TMEM131: variants seen among roughly 807,000 people sequenced by gnomAD.
The protein encoded by TMEM131 is 2610524E03Rik.
A neutral mutation model predicts 211.6 loss-of-function variants in TMEM131; 66 were observed. The observed-to-expected ratio is 0.31, with a 90% confidence interval of 0.26 to 0.38. TMEM131 has a LOEUF of 0.38. Among genes scored for constraint, TMEM131 ranks in the 10% least tolerant of loss-of-function variants. The pLI is 1.00. For synonymous variants in TMEM131, 844 were observed against 841.3 expected, an observed-to-expected ratio of 1.00 and a Z score of -0.06; for missense variants, 2,036 against 2,299.3, an observed-to-expected ratio of 0.89 and a Z score of 2.34.
At chr2:97,811,613 A>G (rs887313132) in intron 17 of TMEM131, among the ~76,000 whole-genome samples, 1 of 152,244 alleles carries the variant, frequency 6.6e-6, no homozygotes, top group Non-Finnish European at 1.5e-5. Context: ...CTCTGCTTCA[A>G]GCTGTGGATG....
chr2:97,921,263 A>C (rs1676729472), intron 2 of TMEM131, among the ~76,000 whole-genome samples: 1 of 152,192 alleles, frequency 6.6e-6, no homozygotes, highest in Non-Finnish European at 1.5e-5. Flanking sequence ...CTAGGGAAAG[A>C]AAACATTGGG....
intron 1 of TMEM131, among the ~76,000 whole-genome samples, chr2:97,943,101 G>GAAAGAAAGAAAGAAAGAA (rs1553617928): frequency 6.7e-6 from 1 of 149,528 alleles, no homozygotes; most frequent in South Asian, 2.1e-4. Context: ...AAGAAAGAAA[G>GAAAGAAAGAAAGAAAGAA]AGCTGGGTGT....
At chr2:97,802,844 G>A in intron 22 of TMEM131, 54 bp from the exon 23 acceptor site, 1 of 1,425,000 alleles carries the variant, frequency 7.0e-7, no homozygotes, top group Non-Finnish European at 9.4e-7. Context: ...TGAGTCTTCT[G>A]AACATAAGAA....
chr2:97,842,263 G>A (rs930867284), intron 6 of TMEM131, among the ~76,000 whole-genome samples: 4 of 152,082 alleles, frequency 2.6e-5, no homozygotes, highest in Non-Finnish European at 4.4e-5. Flanking sequence ...ATGGATCTAC[G>A]GCCCAGACAA....
At chr2:97,983,015 G>A (rs1006737242) in intron 1 of TMEM131, among the ~76,000 whole-genome samples, 4 of 152,100 alleles carry the variant, frequency 2.6e-5, no homozygotes, top group African/African-American at 9.7e-5. Flanking sequence ...CAATTAAGCA[G>A]CCAACCAATC....
chr2:97,893,438 C>G (rs1675469598), intron 3 of TMEM131, among the ~76,000 whole-genome samples: 1 of 152,158 alleles, frequency 6.6e-6, no homozygotes, highest in African/African-American at 2.4e-5. Flanking sequence ...AATGGTATCT[C>G]TAGTTCTAGG....
chr2:97,969,313 G>A lies in TMEM131; in HGVS notation c.187+26163C>T, dbSNP rs566848100. Among the ~76,000 whole-genome samples, 64 of 152,238 alleles carry A rather than the reference G, an allele frequency of 4.2e-4. 1 individual carries two copies. In the East Asian group the frequency reaches 9.7e-3, roughly 23 times the overall value. Reference sequence around the variant, plus strand: ...GGGTAAGGGTGTGTGTGCTTAGACAGACAATTGTTGCTTTAATCACCAGTT... The same window carrying A: ...GGGTAAGGGTGTGTGTGCTTAGACAAACAATTGTTGCTTTAATCACCAGTT... On this transcript the variant is annotated intron_variant, in intron 1 of 40. Transcript: ENST00000186436.
At chr2:97,989,983 G>A (rs1287224645) in intron 1 of TMEM131, among the ~76,000 whole-genome samples, 1 of 152,198 alleles carries the variant, frequency 6.6e-6, no homozygotes, top group Non-Finnish European at 1.5e-5. Flanking sequence ...TGCCTGCCGA[G>A]GCAAATGCCA....
At chr2:97,863,491 T>C (rs1264319861) in intron 4 of TMEM131, among the ~76,000 whole-genome samples, 1 of 152,182 alleles carries the variant, frequency 6.6e-6, no homozygotes, top group Admixed American at 6.5e-5. Context: ...ATTTGCAAAC[T>C]ACCTATTTGA....
At position 97,812,438 on chromosome 2, in the gene TMEM131, A is replaced by C. The variant is rs1681591506; in HGVS notation, c.1846T>G (p.Leu616Val). 1 of 1,608,646 alleles carries C rather than the reference A, an allele frequency of 6.2e-7. No homozygotes were observed. Among genetic ancestry groups the C allele is most frequent in the East Asian group, 2.2e-5 (1 of 44,770 alleles). ...TTACTTACCGATGATTGATCTGATA[A>C]AGAGGATTTTTCAAACTCTGGCAGG... ...SSLPEFEKSSLSDQSSVTLAS... is the reference protein window; with the variant it reads ...SSLPEFEKSSVSDQSSVTLAS... Residue 616 changes from leucine (L) to valine (V), a missense_variant, in exon 17 of 41, where the codon TTA becomes GTA. By Grantham distance (32) the Leu-to-Val change is conservative. Around this residue, in one of 3 missense-constraint regions of TMEM131, gnomAD observed 1,623 missense variants for 1,805.9 expected, o/e 0.90. Coordinates refer to ENST00000186436, the MANE Select transcript of TMEM131 (RefSeq NM_015348.2).
intron 1 of TMEM131, among the ~76,000 whole-genome samples, chr2:97,965,003 G>A (rs1678987427): frequency 6.6e-6 from 1 of 152,182 alleles, no homozygotes. Flanking sequence ...GGCGGCCTCT[G>A]AGGAGAAAAG....
intron 2 of TMEM131, among the ~76,000 whole-genome samples, chr2:97,925,600 C>T (rs935688344): frequency 5.3e-5 from 8 of 152,060 alleles, no homozygotes; most frequent in South Asian, 2.1e-4. Context: ...TGCATCGTGC[C>T]GTGGAGAGTT....
chr2:97,925,952 T>C (rs1369707699), intron 2 of TMEM131, among the ~76,000 whole-genome samples: 1 of 151,250 alleles, frequency 6.6e-6, no homozygotes, highest in Non-Finnish European at 1.5e-5. Flanking sequence ...GTACTAAAAA[T>C]ACAAAAAAAA....
At chr2:97,949,409 C>T (rs751517481) in intron 1 of TMEM131, among the ~76,000 whole-genome samples, 5 of 152,160 alleles carry the variant, frequency 3.3e-5, no homozygotes, top group African/African-American at 7.2e-5. Context: ...AGAGTGCACA[C>T]GTTCACACAA....
rs1678783837 is a variant in TMEM131 at position 97,760,615 on chromosome 2, C to A, written c.5086G>T (p.Val1696Phe). 4 of 1,612,206 alleles carry A rather than the reference C, an allele frequency of 2.5e-6. No individual in the cohort carries two copies. The highest frequency in any genetic ancestry group is 3.4e-6 in the Non-Finnish European group (4 of 1,179,084). ...TACCTGTCTGAGCCATCGCTGTCAA[C>A]AGGAGCGTGTGAAATGCCAAGGCTG... ...SSSLGISHAP[V>F]DSDGSDSSGL... The change falls in exon 38 of 41, where the codon GTT (valine) becomes TTT (phenylalanine). Residue 1696 changes from valine (V) to phenylalanine (F), a missense_variant. Val to Phe is a conservative substitution (Grantham distance 50). Transcript: ENST00000186436.
At chr2:97,846,837 A>G (rs1683462073) in intron 5 of TMEM131, among the ~76,000 whole-genome samples, 1 of 152,114 alleles carries the variant, frequency 6.6e-6, no homozygotes, top group Non-Finnish European at 1.5e-5. Flanking sequence ...CCAAAATTTA[A>G]AACAAGGCAA....
At chr2:97,770,463 G>T (rs898071770) in intron 33 of TMEM131, among the ~76,000 whole-genome samples, 1 of 152,180 alleles carries the variant, frequency 6.6e-6, no homozygotes, top group African/African-American at 2.4e-5. Flanking sequence ...ACTACATATT[G>T]AGAGAGCACC....
At chr2:97,871,055 C>T (rs1674470603) in intron 4 of TMEM131, among the ~76,000 whole-genome samples, 1 of 152,178 alleles carries the variant, frequency 6.6e-6, no homozygotes, top group Admixed American at 6.5e-5. Flanking sequence ...TAGCAATAGT[C>T]TATTCAACGT....
At chr2:97,768,740 GC>G (rs1484401407) in intron 33 of TMEM131, among the ~76,000 whole-genome samples, 1 of 152,068 alleles carries the variant, frequency 6.6e-6, no homozygotes, top group Non-Finnish European at 1.5e-5. Context: ...ACAGGTGTGT[GC>G]CACCATGCTT....
Sources: gnomAD v4.1 joint callset for allele counts (sites outside exome capture counted in the v4.1 genomes callset) on GRCh38, gnomAD v4.1.1 for gene constraint, gnomAD v4.1.1 regional missense constraint, MANE v1.5 for transcripts, NCBI Gene and HGNC (gene_info 2026-07-23, HGNC 2026-07-21) for gene names.